The following CNKSR3 variants were observed in gnomAD, a reference collection of about 807,000 sequenced individuals.
CNKSR3 encodes connector enhancer of kinase suppressor of ras 3.
CNKSR3 carries 36 observed loss-of-function variants against 67.7 expected under a neutral mutation model. That is an observed-to-expected ratio of 0.53 (90% confidence interval 0.41 to 0.70). The LOEUF is 0.70. Ranked by LOEUF, CNKSR3 falls within the 30% of genes least tolerant of loss-of-function variation. The pLI, the probability that CNKSR3 is intolerant of heterozygous loss-of-function variation, is 0.00. For missense variants in CNKSR3, 630 were observed against 695.2 expected, an observed-to-expected ratio of 0.91 and a Z score of 1.05; for synonymous variants, 281 against 271.4, an observed-to-expected ratio of 1.04 and a Z score of -0.35.
intron 1 of CNKSR3, among the ~76,000 whole-genome samples, chr6:154,471,010 A>G (rs192047856): frequency 3.1e-3 from 471 of 151,610 alleles, no homozygotes; most frequent in African/African-American, 0.01. Context: ...TTGTGTTATC[A>G]GATTTTAACA....
At chr6:154,407,872 GAA>G (rs56406534) in intron 12 of CNKSR3, among the ~76,000 whole-genome samples, 2,324 of 68,518 alleles carry the variant, frequency 0.034, 25 homozygotes, top group Non-Finnish European at 0.049. Context: ...TTTAGAATTT[GAA>G]AAAAAAAAAA....
At position 154,403,926 on chromosome 6, in the gene CNKSR3, A is replaced by AC. The variant is rs1784744359; in HGVS notation, c.*2427_*2428insG. ...ATCATCCAGTGGAACTACAGCTCTT[A>AC]GAGTTCTCCCCACAATCTGGGGAGT... On this transcript the variant is annotated 3_prime_UTR_variant, in exon 13 of 13. Transcript: ENST00000607772. 6.6e-6 allele frequency: 1 copy of AC among 152,236 alleles called. No individual in the cohort carries two copies. Among genetic ancestry groups the AC allele is most frequent in the South Asian group, 2.1e-4 (1 of 4,834 alleles). 9.4% of individuals were successfully genotyped at this position (152,236 alleles called of 1,614,324 possible).
At chr6:154,508,444 G>C (rs1308986607) in intron 1 of CNKSR3, among the ~76,000 whole-genome samples, 8 of 152,182 alleles carry the variant, frequency 5.3e-5, no homozygotes, top group Non-Finnish European at 1.2e-4. Flanking sequence ...AAGTTGGACA[G>C]AGCGGCTCTA....
chr6:154,449,616 C>T (rs971682868), intron 2 of CNKSR3, among the ~76,000 whole-genome samples: 2 of 152,254 alleles, frequency 1.3e-5, no homozygotes, highest in Non-Finnish European at 2.9e-5. Context: ...TGAGCCACTG[C>T]GCCTCGCCAG....
chr6:154,496,860 T>C (rs957744062), intron 1 of CNKSR3, among the ~76,000 whole-genome samples: 2 of 152,214 alleles, frequency 1.3e-5, no homozygotes, highest in East Asian at 3.8e-4. Flanking sequence ...CAAAACCTTT[T>C]ATCAGGCCAA....
chr6:154,432,315 G>C (rs1175393782), intron 5 of CNKSR3, among the ~76,000 whole-genome samples: 1 of 152,142 alleles, frequency 6.6e-6, no homozygotes, highest in African/African-American at 2.4e-5. Context: ...CTTTGGTGAA[G>C]TACCTGTTCA....
chr6:154,393,707 C>T lies in CNKSR3; in HGVS notation c.*12647G>A, dbSNP rs1449019110. 1 of 152,132 alleles carries T rather than the reference C, an allele frequency of 6.6e-6. No individual in the cohort carries two copies. Among genetic ancestry groups the T allele is most frequent in the Admixed American group, 6.5e-5 (1 of 15,270 alleles). 9.4% of individuals were successfully genotyped at this position (152,132 alleles called of 1,614,324 possible). ...CTTTTGTACTCAGCCCTTTTACTGT[C>T]TTCTATAAGAAATCTTTCCCTATCC... On this transcript the variant is annotated 3_prime_UTR_variant, in exon 13 of 13. Coordinates refer to ENST00000607772, the MANE Select transcript of CNKSR3 (RefSeq NM_173515.4).
chr6:154,420,688 CAAAAAAAAAAAA>C (rs1166654953), intron 9 of CNKSR3, among the ~76,000 whole-genome samples: 3 of 79,386 alleles, frequency 3.8e-5, no homozygotes, highest in South Asian at 9.0e-4. Context: ...GACTCCGTCT[CAAAAAAAAAAAA>C]AAAAAAAAAA....
chr6:154,419,220 ATTG>A (rs1295134837), intron 9 of CNKSR3, among the ~76,000 whole-genome samples: 2 of 151,880 alleles, frequency 1.3e-5, no homozygotes, highest in Admixed American at 1.3e-4. Flanking sequence ...AAAAATAAAA[ATTG>A]TTGTAGAGAC....
intron 2 of CNKSR3, among the ~76,000 whole-genome samples, chr6:154,446,737 C>T (rs1352361864): frequency 6.6e-6 from 1 of 151,932 alleles, no homozygotes; most frequent in African/African-American, 2.4e-5. Flanking sequence ...CTGCCCATGC[C>T]TTGGTGTTCA....
rs1313955351 is a variant in CNKSR3, at chr6:154,396,791, TAATTG to T, written c.*9558_*9562del. On this transcript the variant is annotated 3_prime_UTR_variant, in exon 13 of 13. Transcript: ENST00000607772. Reference sequence around the variant, plus strand: ...AAGGAAAGCATCAGCAAAAATTCACTAATTGTTTTCTTTTTTTTTTTTTTTTGAGA... The same window carrying T: ...AAGGAAAGCATCAGCAAAAATTCACTTTTTCTTTTTTTTTTTTTTTTGAGA... 1.3e-5 allele frequency: 2 copies of T among 150,496 alleles called. No homozygotes were observed. The highest frequency in any genetic ancestry group is 4.9e-5 in the African/African-American group (2 of 40,904). 9.3% of individuals were successfully genotyped at this position (150,496 alleles called of 1,614,324 possible).
chr6:154,432,551 T>C (rs185906118), intron 5 of CNKSR3, among the ~76,000 whole-genome samples: 184 of 152,366 alleles, frequency 1.2e-3, no homozygotes, highest in African/African-American at 4.2e-3. Flanking sequence ...TTTTCTTTCA[T>C]GAATTATGCT....
chr6:154,410,760 A>G (rs548827179), intron 11 of CNKSR3, among the ~76,000 whole-genome samples, 174 bp downstream of exon 11: 1 of 152,252 alleles, frequency 6.6e-6, no homozygotes, highest in East Asian at 1.9e-4. Context: ...CTCAACAAGG[A>G]TCCGCTTGAC....
chr6:154,448,020 A>AC (rs954326605), intron 2 of CNKSR3, among the ~76,000 whole-genome samples: 1 of 151,964 alleles, frequency 6.6e-6, no homozygotes, highest in Non-Finnish European at 1.5e-5. Flanking sequence ...CCCCTAAGTG[A>AC]CCCCCCCTGT....
Position 154,442,274 on chromosome 6 carries a change from G to T in CNKSR3, c.233C>A (p.Thr78Asn). Residue 78 changes from threonine (T) to asparagine (N), a missense_variant, in exon 3 of 13, where the codon ACT (threonine) becomes AAT (asparagine). Around this residue, in one of 3 missense-constraint regions of CNKSR3, gnomAD observed 189 missense variants for 205.0 expected, o/e 0.92. Transcript: ENST00000607772. The stretch of plus-strand genomic sequence containing the variant: ...CAGAACCAAGTTCTTCATGTTATCA[G>T]TTTCGAGGCCATAATTCTGTGGAAA... ...LLCALNYGLETDNMKNLVLKL... is the reference protein window; with the variant it reads ...LLCALNYGLENDNMKNLVLKL... 1 of 1,613,484 alleles carries T rather than the reference G, an allele frequency of 6.2e-7. No individual in the cohort carries two copies. Among genetic ancestry groups the T allele is most frequent in the Non-Finnish European group, 8.5e-7 (1 of 1,179,426 alleles).
chr6:154,413,283 G>GGT (rs1784946851), intron 10 of CNKSR3, among the ~76,000 whole-genome samples: 1 of 151,984 alleles, frequency 6.6e-6, no homozygotes, highest in African/African-American at 2.4e-5. Flanking sequence ...GGAGTGCAGT[G>GGT]GTATGATCAT....
intron 1 of CNKSR3, among the ~76,000 whole-genome samples, chr6:154,458,329 G>A (rs1786001660): frequency 6.6e-6 from 1 of 152,082 alleles, no homozygotes; most frequent in African/African-American, 2.4e-5. Flanking sequence ...ATTTCATACA[G>A]TTACACTGAA....
Position 154,430,557 on chromosome 6 carries a change from A to T in CNKSR3, c.584T>A (p.Ile195Asn). 1.2e-6 allele frequency: 2 copies of T among 1,611,954 alleles called. No homozygotes were observed. The highest frequency in any genetic ancestry group is 8.5e-7 in the Non-Finnish European group (1 of 1,179,190). Residue 195 changes from isoleucine to asparagine, a missense_variant, in exon 6 of 13, where the codon ATC becomes AAC. Ile to Asn is a moderately radical substitution (Grantham distance 149, BLOSUM62 -3). This residue lies in a region of CNKSR3 where 133 missense variants were observed against 190.6 expected (regional missense o/e 0.70). Coordinates refer to ENST00000607772, the MANE Select transcript of CNKSR3 (RefSeq NM_173515.4). The part of the protein sequence containing the change: ...KVLNGICDKT[I>N]RSTTDPVMSQ... ...CATCACAGGATCTGTGGTAGATCGG[A>T]TTGTTTTGTCACAGATGCCATTTAA...
chr6:154,472,556 T>C (rs1786353397), intron 1 of CNKSR3, among the ~76,000 whole-genome samples: 1 of 152,122 alleles, frequency 6.6e-6, no homozygotes, highest in Non-Finnish European at 1.5e-5. Flanking sequence ...CATCTCGCTA[T>C]GTAGTTTACT....
Sources: gnomAD v4.1 joint callset for allele counts (sites outside exome capture counted in the v4.1 genomes callset) on GRCh38, gnomAD v4.1.1 for gene constraint, gnomAD v4.1.1 regional missense constraint, MANE v1.5 for transcripts, NCBI Gene and HGNC (gene_info 2026-07-23, HGNC 2026-07-21) for gene names.